The following TOGARAM1 variants were observed in gnomAD, a reference collection of about 807,000 sequenced individuals.
TOGARAM1 encodes TOG array regulator of axonemal microtubules 1.
TOGARAM1 carries 100 observed loss-of-function variants against 166.6 expected under a neutral mutation model. The ratio of observed to expected loss-of-function variants is 0.60; its 90% CI spans 0.51 to 0.71. The LOEUF is 0.71. Ranked by LOEUF, TOGARAM1 falls within the 30% of genes least tolerant of loss-of-function variation. The pLI, the probability that TOGARAM1 is intolerant of heterozygous loss-of-function variation, is 0.00. For synonymous variants in TOGARAM1, 758 were observed against 763.8 expected, an observed-to-expected ratio of 0.99 and a Z score of 0.13; for missense variants, 2,029 against 2,102.7, an observed-to-expected ratio of 0.96 and a Z score of 0.69.
chr14:45,046,440 A>C, intron 13 of TOGARAM1, 105 bp from the exon 14 acceptor site: 1 of 1,088,890 alleles, frequency 9.2e-7, no homozygotes, highest in Non-Finnish European at 1.2e-6. Context: ...TGTCCCAAAA[A>C]ACAAAACCAA....
intron 14 of TOGARAM1, among the ~76,000 whole-genome samples, chr14:45,048,671 C>T (rs2138964615): frequency 6.6e-6 from 1 of 151,904 alleles, no homozygotes; most frequent in South Asian, 2.1e-4. Flanking sequence ...AAATTCAATT[C>T]CTTGTGGTTA....
Position 44,964,113 on chromosome 14 carries a change from A to T in TOGARAM1, c.1692A>T (p.Gly564=), listed in dbSNP as rs765938119. The T allele has an allele frequency of 2.5e-6, 4 of 1,614,218 alleles. No homozygotes were observed. The highest frequency in any genetic ancestry group is 3.4e-6 in the Non-Finnish European group (4 of 1,180,044). Reference sequence around the variant, plus strand: ...TTGAACTGCAAGATAATGGAGATGGAGTGATGAATGCTGTGCAGGCCAGAT... The same window carrying T: ...TTGAACTGCAAGATAATGGAGATGGTGTGATGAATGCTGTGCAGGCCAGAT... ...DTVELQDNGD[G]VMNAVQARLA... Residue 564 remains glycine, a synonymous_variant, in exon 1 of 20, where the codon GGA becomes GGT. Transcript: ENST00000361462.
intron 2 of TOGARAM1, among the ~76,000 whole-genome samples, chr14:44,998,712 T>G: frequency 6.6e-6 from 1 of 152,216 alleles, no homozygotes; most frequent in East Asian, 1.9e-4. Context: ...GAGAATTTTT[T>G]TTTAATCATA....
Position 44,977,710 on chromosome 14 carries a change from C to A in TOGARAM1, c.2046+13243C>A, listed in dbSNP as rs1886285491. 4.6e-5 allele frequency among the ~76,000 whole-genome samples: 7 copies of A among 151,850 alleles called. No homozygotes were observed. In the South Asian group the frequency reaches 1.5e-3, roughly 32 times the overall value. On this transcript the variant is annotated intron_variant, in intron 1 of 19. Coordinates refer to ENST00000361462, the MANE Select transcript of TOGARAM1 (RefSeq NM_001308120.2). ...CTGGAGTGCAGTCGTATGAGCTGCACTTGCAGCTCACTGCAACTTCCACCT... is the reference window on the plus strand; with the variant it reads ...CTGGAGTGCAGTCGTATGAGCTGCAATTGCAGCTCACTGCAACTTCCACCT...
chr14:44,985,778 A>C lies in TOGARAM1; in HGVS notation c.2047-9968A>C, dbSNP rs71412978. Among the ~76,000 whole-genome samples the C allele has an allele frequency of 5.1e-3, 778 of 152,322 alleles. 2 individuals carry two copies. The highest frequency in any genetic ancestry group is 8.3e-3 in the Non-Finnish European group (563 of 68,028). ...TGGGAAACTCTGCTTTAACCTATTCATTGGTTATTCTATGATGTATAAATA... is the reference window on the plus strand; with the variant it reads ...TGGGAAACTCTGCTTTAACCTATTCCTTGGTTATTCTATGATGTATAAATA... On this transcript the variant is annotated intron_variant, in intron 1 of 19. Transcript: ENST00000361462.
At chr14:45,004,689 G>T (rs1226414603) in intron 4 of TOGARAM1, among the ~76,000 whole-genome samples, 1 of 152,154 alleles carries the variant, frequency 6.6e-6, no homozygotes, top group Non-Finnish European at 1.5e-5. Context: ...GGTCTCAAGT[G>T]ATTTCTCCCA....
At chr14:45,051,491 A>G (rs1882362564) in intron 14 of TOGARAM1, among the ~76,000 whole-genome samples, 2 of 150,538 alleles carry the variant, frequency 1.3e-5, no homozygotes, top group Admixed American at 6.6e-5. Context: ...CATCTGGCAC[A>G]TGGCAGAAGG....
chr14:44,983,794 G>C (rs564878861), intron 1 of TOGARAM1, among the ~76,000 whole-genome samples: 68 of 152,184 alleles, frequency 4.5e-4, no homozygotes, highest in Non-Finnish European at 7.5e-4. Flanking sequence ...ATTATATTGT[G>C]ATGCATGAAG....
chr14:45,030,145 A>T (rs768206980), intron 10 of TOGARAM1, among the ~76,000 whole-genome samples: 15 of 152,208 alleles, frequency 9.9e-5, no homozygotes, highest in African/African-American at 3.4e-4. Flanking sequence ...TAAAAAAAAA[A>T]ATCTTCATTT....
chr14:45,034,683 T>A (rs906837135), intron 11 of TOGARAM1, among the ~76,000 whole-genome samples: 2 of 152,208 alleles, frequency 1.3e-5, no homozygotes, highest in Non-Finnish European at 2.9e-5. Context: ...GACTGAATGT[T>A]AGTTTGGTTC....
chr14:45,073,254 T>G (rs752519909), intron 19 of TOGARAM1, 42 bp from the exon 20 acceptor site: 1 of 1,557,230 alleles, frequency 6.4e-7, no homozygotes, highest in East Asian at 2.3e-5. Context: ...TTGGGCTTAT[T>G]TATTAAGAAA....
rs533752171 is a variant in TOGARAM1, at chr14:45,065,822, T to G, written c.4560-756T>G. 2.8e-4 allele frequency among the ~76,000 whole-genome samples: 42 copies of G among 152,218 alleles called. 1 individual carries two copies. The South Asian group carries it at 4.6e-3, about 17-fold the overall frequency. ...CACTTAATCTTCTCTGGAGGATGAG[T>G]TTTTTGAAAGAGGTTCAAGGTAATT... On this transcript the variant is annotated intron_variant, in intron 16 of 19. Transcript: ENST00000361462.
In TOGARAM1 at chr14:45,044,762, G is replaced by A. The variant is rs1267705182; in HGVS notation, c.4046G>A (p.Gly1349Asp). The A allele has an allele frequency of 6.2e-7, 1 of 1,614,020 alleles. No homozygotes were observed. The highest frequency in any genetic ancestry group is 8.5e-7 in the Non-Finnish European group (1 of 1,179,976). ...TTVKVLLHKA[G>D]ESNTFIREDV... ...GTAAAAGTTTTGTTGCACAAGGCTG[G>A]TGAATCAAATACATTTATAAGAGAA... The change falls in exon 13 of 20, where the codon GGT becomes GAT. Residue 1349 changes from glycine (G) to aspartate (D), a missense_variant. Gly to Asp is a moderately conservative substitution (Grantham distance 94, BLOSUM62 -1). Transcript: ENST00000361462.
intron 16 of TOGARAM1, 44 bp downstream of exon 16, chr14:45,054,593 T>G (rs749534393): frequency 9.0e-6 from 12 of 1,336,232 alleles, no homozygotes; most frequent in Non-Finnish European, 1.2e-5. Context: ...TACTCCCTTG[T>G]GATAGTAGTC....
At chr14:44,966,991 G>A (rs1246273460) in intron 1 of TOGARAM1, among the ~76,000 whole-genome samples, 1 of 151,984 alleles carries the variant, frequency 6.6e-6, no homozygotes, top group Non-Finnish European at 1.5e-5. Context: ...GTAACATGAT[G>A]CCTAGCCTTA....
intron 1 of TOGARAM1, among the ~76,000 whole-genome samples, chr14:44,965,616 A>G (rs1389494904): frequency 6.6e-6 from 1 of 152,214 alleles, no homozygotes; most frequent in African/African-American, 2.4e-5. Context: ...TTCACAGTAC[A>G]TTACATTATG....
chr14:44,968,261 T>A (rs963400395), intron 1 of TOGARAM1, among the ~76,000 whole-genome samples: 1 of 152,196 alleles, frequency 6.6e-6, no homozygotes, highest in African/African-American at 2.4e-5. Flanking sequence ...AGACTTTATT[T>A]TTTATTTATT....
intron 2 of TOGARAM1, among the ~76,000 whole-genome samples, chr14:44,997,589 G>A (rs991927370): frequency 3.3e-5 from 5 of 151,854 alleles, no homozygotes; most frequent in South Asian, 2.1e-4. Flanking sequence ...TAAATATTAC[G>A]GTACTTTAGA....
intron 4 of TOGARAM1, among the ~76,000 whole-genome samples, chr14:45,005,652 A>G (rs1317271289): frequency 6.6e-6 from 1 of 152,108 alleles, no homozygotes; most frequent in Non-Finnish European, 1.5e-5. Flanking sequence ...AAAGATGTTG[A>G]AGGAATCCTC....
Sources: allele counts gnomAD v4.1 joint callset (sites outside exome capture counted in the v4.1 genomes callset), GRCh38; gene constraint gnomAD v4.1.1; transcripts MANE v1.5; gene names NCBI Gene and HGNC (gene_info 2026-07-23, HGNC 2026-07-21).